RABL6: variants seen among roughly 807,000 people sequenced by gnomAD.
RABL6 encodes rab-like protein 6.
Under a neutral mutation model 72.9 loss-of-function variants are expected in RABL6, and 28 were observed. That is an observed-to-expected ratio of 0.38 (90% CI 0.28 to 0.53). The LOEUF (loss-of-function observed/expected upper bound fraction) is 0.53. Among genes scored for constraint, RABL6 ranks in the 20% least tolerant of loss-of-function variants. RABL6 has a pLI of 0.80. For synonymous variants in RABL6, 477 were observed against 421.2 expected (o/e 1.13, Z -1.62); for missense variants, 1,029 against 1,008.4 (o/e 1.02, Z -0.28).
chr9:136,808,755 C>T, intron 1 of RABL6: 1 of 152,814 alleles, frequency 6.5e-6, no homozygotes, highest in Non-Finnish European at 1.5e-5. Flanking sequence ...ACCCAGCCGG[C>T]CTTGGCGCTT....
At chr9:136,813,772 C>T (rs868391711) in intron 1 of RABL6, 5 of 197,824 alleles carry the variant, frequency 2.5e-5, no homozygotes, top group Middle Eastern at 2.0e-3. Context: ...CCCGTCACCA[C>T]ACCCAGCTAA....
At chr9:136,839,912 G>C (rs756316553) in intron 13 of RABL6, 47 bp downstream of exon 13, 38 of 1,579,044 alleles carry the variant, frequency 2.4e-5, no homozygotes, top group Non-Finnish European at 3.1e-5. Context: ...AGTTTGGGTA[G>C]AACGTGGGCC....
chr9:136,831,948 G>A lies in RABL6; in HGVS notation c.599+87G>A, dbSNP rs898603781. ...TGCTGAGGCAGAGGCCCAGGGAGGG[G>A]TTAACGTTAGCATGGGGCCCGGCGG... On this transcript the variant is annotated intron_variant, in intron 6 of 14. Coordinates refer to ENST00000311502, the MANE Select transcript of RABL6 (RefSeq NM_024718.5). The A allele has an allele frequency of 1.5e-5, 22 of 1,480,892 alleles. No homozygotes were observed. In the South Asian group the frequency reaches 2.8e-4, roughly 19 times the overall value. The allele number at this position is 1,480,892 out of a possible 1,614,324, so 91.7% of individuals were successfully genotyped here. A position where few individuals can be genotyped will look rare whatever the true frequency, so the allele number is the denominator to read the frequency against.
In RABL6 at chr9:136,836,026, A is replaced by C. The variant is rs115043148; in HGVS notation, c.809+181A>C. 5,606 of 600,942 alleles carry C rather than the reference A, an allele frequency of 9.3e-3. 228 individuals carry two copies. Among genetic ancestry groups the C allele is most frequent in the African/African-American group, 0.088 (4,722 of 53,610 alleles). The allele number at this position is 600,942 out of a possible 1,614,324, so 37.2% of individuals were successfully genotyped here. A position where few individuals can be genotyped will look rare whatever the true frequency, so the allele number is the denominator to read the frequency against. ...TTGCACTGCCCCCAGCAGCCCCCCC[A>C]CAGTCACCCCTGGCGTGGACTCCTC... On this transcript the variant is annotated intron_variant, in intron 8 of 14. Coordinates refer to ENST00000311502, the MANE Select transcript of RABL6 (RefSeq NM_024718.5).
At position 136,812,093 on chromosome 9, in the gene RABL6, G is replaced by C. The variant is rs182009644; in HGVS notation, c.130+3767G>C. ...TGGAAGAAAGATTGTTGCCTGAGTTGGTCTGTCCCTTTCTACTGTGACTGG... is the reference window on the plus strand; with the variant it reads ...TGGAAGAAAGATTGTTGCCTGAGTTCGTCTGTCCCTTTCTACTGTGACTGG... On this transcript the variant is annotated intron_variant, in intron 1 of 14. Transcript: ENST00000311502. 3.4e-4 allele frequency among the ~76,000 whole-genome samples: 52 copies of C among 152,280 alleles called. No homozygotes were observed. The East Asian group carries it at 6.0e-3, about 17-fold the overall frequency.
chr9:136,825,534 C>A (rs912348777), intron 2 of RABL6, among the ~76,000 whole-genome samples: 2 of 151,988 alleles, frequency 1.3e-5, no homozygotes, highest in African/African-American at 4.8e-5. Context: ...GGGCCGTGCC[C>A]AGGATTGGGG....
intron 3 of RABL6, chr9:136,827,535 T>C (rs1010731038): frequency 2.0e-5 from 3 of 152,322 alleles, no homozygotes; most frequent in African/African-American, 7.2e-5. Context: ...CTGGTTAGGC[T>C]GTGAGCATCC....
At chr9:136,808,524 C>G (rs935786317) in intron 1 of RABL6, 198 bp downstream of exon 1, 5 of 402,914 alleles carry the variant, frequency 1.2e-5, no homozygotes, top group African/African-American at 2.1e-5. Flanking sequence ...GTCCTCGCGG[C>G]CCCCGAGCCG....
rs781712137 is a variant in RABL6, at chr9:136,839,384, G to A, written c.1656G>A (p.Ser552=). 90 of 1,612,456 alleles carry A rather than the reference G, an allele frequency of 5.6e-5. No individual in the cohort carries two copies. Among genetic ancestry groups the A allele is most frequent in the Non-Finnish European group, 6.9e-5 (81 of 1,179,742 alleles). The change falls in exon 12 of 15, where the codon TCG becomes TCA. Residue 552 remains serine (S), a synonymous_variant. Coordinates refer to ENST00000311502, the MANE Select transcript of RABL6 (RefSeq NM_024718.5). ...MEPGKGEQAS[S]SESDPEGPIA... ...CGGGGAAGGGTGAGCAGGCCTCCTC[G>A]TCGGAGAGTGACCCCGAGGGACCCA...
intron 7 of RABL6, 70 bp downstream of exon 7, chr9:136,832,440 C>A: frequency 8.1e-7 from 1 of 1,235,396 alleles, no homozygotes; most frequent in Non-Finnish European, 1.2e-6. Flanking sequence ...TCCTGTGTAG[C>A]AACGGGTCTC....
At position 136,840,622 on chromosome 9, in the gene RABL6, C is replaced by T. The variant is rs1208435657; in HGVS notation, c.*100C>T. On this transcript the variant is annotated 3_prime_UTR_variant, in exon 15 of 15. Coordinates refer to ENST00000311502, the MANE Select transcript of RABL6 (RefSeq NM_024718.5). ...CATCGCCTTTGCCGCTGCCCCGTGG[C>T]TGCCGTGTGCGCTTCTGAGCTGGAA... The T allele has an allele frequency of 2.1e-5, 32 of 1,549,706 alleles. No individual in the cohort carries two copies. The highest frequency in any genetic ancestry group is 2.8e-5 in the Non-Finnish European group (32 of 1,146,856).
chr9:136,808,190 C>T lies in RABL6; in HGVS notation c.-7C>T, dbSNP rs1480372762. On this transcript the variant is annotated 5_prime_UTR_variant, in exon 1 of 15. Coordinates refer to ENST00000311502, the MANE Select transcript of RABL6 (RefSeq NM_024718.5). ...CCGCGCCCGGGCTGGGACGTCCGAG[C>T]GGGAAGATGTTTTCCGCCCTGAAGA... 5 of 1,518,916 alleles carry T rather than the reference C, an allele frequency of 3.3e-6. No individual in the cohort carries two copies. Among genetic ancestry groups the T allele is most frequent in the African/African-American group, 1.4e-5 (1 of 69,354 alleles). The allele number at this position is 1,518,916 out of a possible 1,614,324, so 94.1% of individuals were successfully genotyped here.
chr9:136,836,640 T>C (rs1315256262), intron 8 of RABL6: 1 of 155,348 alleles, frequency 6.4e-6, no homozygotes, highest in African/African-American at 2.4e-5. Context: ...ATCCTGGCAT[T>C]TCCTGGGCCT....
Position 136,840,551 on chromosome 9 carries a change from CG to C in RABL6, c.*35del. On this transcript the variant is annotated 3_prime_UTR_variant, in exon 15 of 15. Coordinates refer to ENST00000311502, the MANE Select transcript of RABL6 (RefSeq NM_024718.5). ...GGCGTGGGCAGTGGCCGCCCTGGGG[CG>C]GGGGGCGTGCCTGTCACTGCCTGGG... is the stretch of plus-strand genomic sequence containing the variant. 4 of 1,523,138 alleles carry C rather than the reference CG, an allele frequency of 2.6e-6. No homozygotes were observed. The highest frequency in any genetic ancestry group is 2.0e-5 in the Admixed American group (1 of 50,206). 94.4% of individuals were successfully genotyped at this position (1,523,138 alleles called of 1,614,324 possible).
intron 5 of RABL6, among the ~76,000 whole-genome samples, chr9:136,831,268 G>A (rs931784502): frequency 2.0e-5 from 3 of 152,176 alleles, no homozygotes; most frequent in South Asian, 2.1e-4. Flanking sequence ...CAAACAGCCC[G>A]CTTCACCGGC....
chr9:136,822,799 G>A (rs571097209), intron 1 of RABL6, among the ~76,000 whole-genome samples: 1 of 152,198 alleles, frequency 6.6e-6, no homozygotes, highest in African/African-American at 2.4e-5. Context: ...ATTGTGCACT[G>A]AAGACGCCAG....
intron 6 of RABL6, 95 bp downstream of exon 6, chr9:136,831,956 T>G: frequency 6.8e-7 from 1 of 1,463,346 alleles, no homozygotes; most frequent in Admixed American, 2.3e-5. Context: ...GGGTTAACGT[T>G]AGCATGGGGC....
At chr9:136,834,341 C>T in intron 7 of RABL6, 1 of 1,001,772 alleles carries the variant, frequency 1.0e-6, no homozygotes, top group Non-Finnish European at 1.2e-6. Context: ...CCAAAGAGTT[C>T]TTCCAGTCGT....
At chr9:136,838,122 G>A (rs568291345) in intron 10 of RABL6, 107 bp downstream of exon 10, 3 of 1,358,482 alleles carry the variant, frequency 2.2e-6, no homozygotes, top group Admixed American at 4.3e-5. Context: ...CCCCCCGCCG[G>A]CTGGTCACTG....
Sources: gnomAD v4.1 joint callset for allele counts (sites outside exome capture counted in the v4.1 genomes callset) on GRCh38, gnomAD v4.1.1 for gene constraint, MANE v1.5 for transcripts, NCBI Gene and HGNC (gene_info 2026-07-23, HGNC 2026-07-21) for gene names.